The following ANKRD26 variants were observed in gnomAD, a reference collection of about 807,000 sequenced individuals.
ANKRD26 encodes ankyrin repeat domain 26.
Under a neutral mutation model 208.7 loss-of-function variants are expected in ANKRD26, and 141 were observed. That is an observed-to-expected ratio of 0.68 (90% CI 0.59 to 0.78). ANKRD26 has a LOEUF of 0.78. Ranked by LOEUF, ANKRD26 falls within the 30% of genes least tolerant of loss-of-function variation. ANKRD26 has a pLI of 0.00. For synonymous variants in ANKRD26, 636 were observed against 660.4 expected, an observed-to-expected ratio of 0.96 and a Z score of 0.57; for missense variants, 1,889 against 1,938.7, an observed-to-expected ratio of 0.97 and a Z score of 0.48.
In ANKRD26 at chr10:27,005,617, C is replaced by T. The variant is rs1230375690; in HGVS notation, c.5106G>A (p.Gln1702=). ...AGATCATATAATTTTTCTTTAAAACCTGTACATATTCTCTTGATGCTTTCC... is the reference window on the plus strand; with the variant it reads ...AGATCATATAATTTTTCTTTAAAACTTGTACATATTCTCTTGATGCTTTCC... The part of the protein sequence containing the change: ...LVWKASREYV[Q]VLKKNYMI Residue 1702 remains glutamine, a synonymous_variant, in exon 34 of 34, where the codon CAG becomes CAA. Coordinates refer to ENST00000376087, the MANE Select transcript of ANKRD26 (RefSeq NM_014915.3). The T allele has an allele frequency of 2.5e-6, 4 of 1,612,268 alleles. No homozygotes were observed. The South Asian group carries it at 4.4e-5, about 18-fold the overall frequency.
Position 27,067,179 on chromosome 10 carries a change from T to C in ANKRD26, c.1185A>G (p.Glu395=), listed in dbSNP as rs1316054815. 1.2e-6 allele frequency: 2 copies of C among 1,612,728 alleles called. No individual in the cohort carries two copies. Among genetic ancestry groups the C allele is most frequent in the Admixed American group, 3.3e-5 (2 of 60,004 alleles). Residue 395 remains glutamate (E), a synonymous_variant, in exon 10 of 34, where the codon GAA becomes GAG. Coordinates refer to ENST00000376087, the MANE Select transcript of ANKRD26 (RefSeq NM_014915.3). ...TACCACTTCTATTATTTTTGTGCAC[T>C]TCATCAACATAAGTCAAATTGTCAT... ...TNNDNLTYVD[E]VHKNNRSDMM...
At chr10:27,006,415 C>A (rs191632310) in intron 33 of ANKRD26, among the ~76,000 whole-genome samples, 2 of 152,310 alleles carry the variant, frequency 1.3e-5, no homozygotes, top group East Asian at 3.9e-4. Context: ...GAATTTGGAA[C>A]TTCTCCTGAG....
intron 27 of ANKRD26, among the ~76,000 whole-genome samples, 155 bp downstream of exon 27, chr10:27,028,697 T>C (rs1310611082): frequency 6.6e-6 from 1 of 151,844 alleles, no homozygotes; most frequent in Non-Finnish European, 1.5e-5. Flanking sequence ...CTCCAAGATA[T>C]CTCATTATGT....
chr10:26,997,869 T>C (rs1488276215), intron 4 of ANKRD26, among the ~76,000 whole-genome samples: 10 of 152,178 alleles, frequency 6.6e-5, no homozygotes, highest in Admixed American at 2.0e-4. Context: ...CACTGATAAA[T>C]AGCATGGGCT....
In ANKRD26 at chr10:27,048,991, G is replaced by GT; in HGVS notation, c.1636-13dup. 1 of 1,577,958 alleles carries GT rather than the reference G, an allele frequency of 6.3e-7. No individual in the cohort carries two copies. ...CTTTCTTCTTCAACCTTTAATGAAA[G>GT]TTTGATACTAAGGAATTGCTATTAC... is the stretch of plus-strand genomic sequence containing the variant. On this transcript the variant is annotated splice_polypyrimidine_tract_variant and intron_variant, in intron 16 of 33. Coordinates refer to ENST00000376087, the MANE Select transcript of ANKRD26 (RefSeq NM_014915.3).
chr10:26,974,595 C>G (rs1338531938), exon 6 of ANKRD26, among the ~76,000 whole-genome samples: 3 of 152,194 alleles, frequency 2.0e-5, no homozygotes, highest in Non-Finnish European at 4.4e-5. Context: ...CTGCCTTGGC[C>G]TCCCAAAGTG....
chr10:26,979,122 A>G (rs1428558208), intron 5 of ANKRD26, among the ~76,000 whole-genome samples: 2 of 152,194 alleles, frequency 1.3e-5, no homozygotes, highest in Non-Finnish European at 2.9e-5. Flanking sequence ...CCGGAGGCTG[A>G]GGCAGGAGAA....
At chr10:26,986,091 A>G (rs1159108818) in intron 3 of ANKRD26, among the ~76,000 whole-genome samples, 1 of 152,172 alleles carries the variant, frequency 6.6e-6, no homozygotes, top group Admixed American at 6.5e-5. Flanking sequence ...ATATAGACCA[A>G]TGGAACAGAA....
At chr10:27,011,822 A>C (rs2053123147) in intron 32 of ANKRD26, among the ~76,000 whole-genome samples, 1 of 152,224 alleles carries the variant, frequency 6.6e-6, no homozygotes, top group Non-Finnish European at 1.5e-5. Flanking sequence ...CACTCTTGAT[A>C]TCACTGCCAT....
chr10:27,048,058 G>T lies in ANKRD26; in HGVS notation c.1814+743C>A, dbSNP rs919986877. Among the ~76,000 whole-genome samples the T allele has an allele frequency of 9.2e-5, 14 of 151,730 alleles. 1 individual carries two copies. Among genetic ancestry groups the T allele is most frequent in the Admixed American group, 2.0e-4 (3 of 15,212 alleles). ...CACCTGGCCATAACTACTTTTTTAC[G>T]GTCTAAAAACATGCACAAGGATATC... is the stretch of plus-strand genomic sequence containing the variant. On this transcript the variant is annotated intron_variant, in intron 17 of 33. Transcript: ENST00000376087.
chr10:27,067,526 T>G (rs1408540955), intron 9 of ANKRD26, among the ~76,000 whole-genome samples: 2 of 152,060 alleles, frequency 1.3e-5, no homozygotes, highest in Non-Finnish European at 2.9e-5. Context: ...AGCTTCTGCT[T>G]CTGGGGAGGC....
At chr10:26,989,425 T>C (rs1589170349), downstream of ANKRD26, among the ~76,000 whole-genome samples, 1 of 152,340 alleles carries the variant, frequency 6.6e-6, no homozygotes, top group East Asian at 1.9e-4. Context: ...TCCAAAAAGA[T>C]TCACCTTTGA....
chr10:27,036,037 C>T (rs1564375668), intron 23 of ANKRD26, among the ~76,000 whole-genome samples: 1 of 151,946 alleles, frequency 6.6e-6, no homozygotes, highest in Admixed American at 6.5e-5. Flanking sequence ...TGAAGTACAA[C>T]AAATTCAAAA....
At chr10:26,978,035 C>T (rs146116567) in intron 5 of ANKRD26, among the ~76,000 whole-genome samples, 1 of 152,180 alleles carries the variant, frequency 6.6e-6, no homozygotes, top group Non-Finnish European at 1.5e-5. Context: ...TCTATGCATG[C>T]CTGAATAAGA....
chr10:26,956,207 G>A, the ANKRD26 span, among the ~76,000 whole-genome samples: 1 of 151,938 alleles, frequency 6.6e-6, no homozygotes, highest in Non-Finnish European at 1.5e-5. Context: ...ATTCTAAATT[G>A]TTCTCTCATG....
downstream of ANKRD26, among the ~76,000 whole-genome samples, chr10:26,970,078 G>A (rs910009329): frequency 5.3e-5 from 8 of 151,882 alleles, no homozygotes; most frequent in East Asian, 1.9e-4. Context: ...TGCCTCAGCC[G>A]CCCAAAGTGC....
downstream of ANKRD26, among the ~76,000 whole-genome samples, chr10:26,987,631 A>C (rs983316081): frequency 6.6e-6 from 1 of 152,156 alleles, no homozygotes; most frequent in African/African-American, 2.4e-5. Flanking sequence ...TCATCAGAAC[A>C]GTCATGAGGG....
At chr10:27,030,638 A>G (rs1025474087) in intron 25 of ANKRD26, 55 of 974,474 alleles carry the variant, frequency 5.6e-5, no homozygotes, top group Non-Finnish European at 6.2e-5. Flanking sequence ...ATTTCTTTTC[A>G]GGGTGAAAAA....
At chr10:27,057,894 G>A (rs2054896764) in intron 15 of ANKRD26, among the ~76,000 whole-genome samples, 1 of 150,006 alleles carries the variant, frequency 6.7e-6, no homozygotes, top group South Asian at 2.1e-4. Context: ...CCGAGATCGT[G>A]CCACCGCACT....
Sources: gnomAD v4.1 joint callset for allele counts (sites outside exome capture counted in the v4.1 genomes callset) on GRCh38, gnomAD v4.1.1 for gene constraint, MANE v1.5 for transcripts, NCBI Gene and HGNC (gene_info 2026-07-23, HGNC 2026-07-21) for gene names.